The following PRH1 variants were observed in gnomAD, a reference collection of about 807,000 sequenced individuals.
PRH1 encodes the protein salivary acidic proline-rich phosphoprotein 1/2.
Under a neutral mutation model 7.9 loss-of-function variants are expected in PRH1, and 7 were observed. The ratio of observed to expected loss-of-function variants is 0.89; its 90% CI spans 0.50 to 1.67. The LOEUF (loss-of-function observed/expected upper bound fraction) is 1.67. Among genes scored for constraint, PRH1 ranks in the 40% most tolerant of loss-of-function variants. PRH1 has a pLI of 0.00. For missense variants in PRH1, 109 were observed against 223.6 expected, an observed-to-expected ratio of 0.49 and a Z score of 3.27; for synonymous variants, 45 against 80.8, an observed-to-expected ratio of 0.56 and a Z score of 2.38.
chr12:10,912,072 A>T (rs1325258929), intron 2 of PRH1, among the ~76,000 whole-genome samples: 2 of 152,192 alleles, frequency 1.3e-5, no homozygotes, highest in African/African-American at 4.8e-5. Flanking sequence ...ATTTTTGATC[A>T]ATATTATGTT....
chr12:11,133,210 T>C, intron 1 of PRH1: 1 of 1,516,812 alleles, frequency 6.6e-7, no homozygotes, highest in Non-Finnish European at 8.8e-7. Context: ...CATGTGGAAA[T>C]TATTCATATA....
chr12:11,142,464 C>T (rs1477076662), intron 1 of PRH1, among the ~76,000 whole-genome samples: 1 of 152,186 alleles, frequency 6.6e-6, no homozygotes, highest in Non-Finnish European at 1.5e-5. Context: ...CTGCCCTAAT[C>T]AGGATTCTAT....
At chr12:11,118,742 C>A (rs1019668018), downstream of PRH1, among the ~76,000 whole-genome samples, 1 of 152,042 alleles carries the variant, frequency 6.6e-6, no homozygotes, top group Non-Finnish European at 1.5e-5. Flanking sequence ...CACCGGTAAT[C>A]CCAGCACTTT....
intron 1 of PRH1, among the ~76,000 whole-genome samples, chr12:11,018,795 T>C (rs1458822815): frequency 1.3e-5 from 2 of 151,412 alleles, no homozygotes; most frequent in African/African-American, 4.8e-5. Flanking sequence ...GGGGAACCCC[T>C]GGAGGTGAGA....
At chr12:11,126,244 C>T (rs1946124416) in intron 1 of PRH1, among the ~76,000 whole-genome samples, 1 of 152,204 alleles carries the variant, frequency 6.6e-6, no homozygotes, top group South Asian at 2.1e-4. Flanking sequence ...CCCTACTGTG[C>T]CAGTTGTTAC....
At position 10,883,098 on chromosome 12, in the gene PRH1, T is replaced by C. The variant is rs1949434060; in HGVS notation, c.65-2A>G. 7 of 1,613,010 alleles carry C rather than the reference T, an allele frequency of 4.3e-6. No individual in the cohort carries two copies. In the East Asian group the frequency reaches 1.6e-4, roughly 36 times the overall value. On this transcript the variant is annotated splice_acceptor_variant, in intron 1 of 3. Coordinates refer to ENST00000543626, the MANE Select transcript of PRH1 (RefSeq NM_001393989.1). LOFTEE classifies it high-confidence loss of function. ...GGGGAACATCTTCCTGGCTGACATCTAGAAAAGAAGTACAGGATGATGGGA... is the reference window on the plus strand; with the variant it reads ...GGGGAACATCTTCCTGGCTGACATCCAGAAAAGAAGTACAGGATGATGGGA...
intron 2 of PRH1, chr12:10,938,332 C>G (rs1230021288): frequency 1.2e-6 from 2 of 1,614,010 alleles, no homozygotes; most frequent in Admixed American, 1.7e-5. Flanking sequence ...GTAGCACTGA[C>G]AGAGAGGCCT....
intron 1 of PRH1, among the ~76,000 whole-genome samples, chr12:11,027,477 C>T (rs79024190): frequency 9.4e-6 from 1 of 105,952 alleles, no homozygotes; most frequent in Admixed American, 1.0e-4. Context: ...ATCTTTTTTA[C>T]AGTATATGGC....
intron 1 of PRH1, among the ~76,000 whole-genome samples, chr12:11,102,133 T>C (rs1260034940): frequency 2.6e-5 from 4 of 151,366 alleles, no homozygotes; most frequent in African/African-American, 4.9e-5. Context: ...AATTTATAGA[T>C]TCAATGCCAT....
chr12:11,067,219 G>A (rs1046088542), intron 1 of PRH1, among the ~76,000 whole-genome samples: 1 of 152,000 alleles, frequency 6.6e-6, no homozygotes, highest in East Asian at 1.9e-4. Flanking sequence ...CTCCAATGCA[G>A]AATCAAAAAA....
At chr12:11,027,900 T>C (rs1941998999) in intron 1 of PRH1, among the ~76,000 whole-genome samples, 1 of 152,204 alleles carries the variant, frequency 6.6e-6, no homozygotes, top group Admixed American at 6.5e-5. Context: ...AATCCAAGCA[T>C]AGAGTCCCTC....
At chr12:11,067,686 A>T (rs1364951978) in intron 1 of PRH1, among the ~76,000 whole-genome samples, 1 of 152,130 alleles carries the variant, frequency 6.6e-6, no homozygotes, top group Non-Finnish European at 1.5e-5. Context: ...ACATGCCAAA[A>T]CCCTGTCTCT....
At chr12:10,949,141 G>T (rs1950531723) in intron 2 of PRH1, among the ~76,000 whole-genome samples, 1 of 152,184 alleles carries the variant, frequency 6.6e-6, no homozygotes, top group African/African-American at 2.4e-5. Flanking sequence ...TCCCAGTTTA[G>T]AGGTAGCACT....
At chr12:11,071,820 CT>C (rs1283648365) in intron 1 of PRH1, among the ~76,000 whole-genome samples, 1 of 152,148 alleles carries the variant, frequency 6.6e-6, no homozygotes, top group Non-Finnish European at 1.5e-5. Flanking sequence ...GGACAGACCC[CT>C]GCATGGTAGA....
chr12:10,909,552 C>T (rs899697146), intron 2 of PRH1: 2 of 420,188 alleles, frequency 4.8e-6, no homozygotes, highest in Non-Finnish European at 8.6e-6. Context: ...TATGTCTTCA[C>T]CATGGGCAGA....
intron 1 of PRH1, among the ~76,000 whole-genome samples, chr12:11,088,639 A>C (rs1433066277): frequency 9.1e-6 from 1 of 110,200 alleles, no homozygotes; most frequent in Non-Finnish European, 2.1e-5. Flanking sequence ...GATTTTGGAG[A>C]CAACATATTC....
chr12:10,998,125 C>T (rs1480086672), intron 1 of PRH1, among the ~76,000 whole-genome samples: 2 of 152,156 alleles, frequency 1.3e-5, no homozygotes, highest in African/African-American at 2.4e-5. Flanking sequence ...TTCATAAAGT[C>T]TCTATTCTTG....
chr12:11,052,856 T>C (rs942966257), intron 1 of PRH1, among the ~76,000 whole-genome samples: 4 of 152,206 alleles, frequency 2.6e-5, no homozygotes, highest in African/African-American at 9.6e-5. Context: ...AACATTATTT[T>C]CTATAGGAAA....
At chr12:11,150,076 T>C (rs1438290682) in intron 1 of PRH1, among the ~76,000 whole-genome samples, 12 of 149,268 alleles carry the variant, frequency 8.0e-5, no homozygotes, top group Admixed American at 3.3e-4. Context: ...AAAATGCTCA[T>C]CATCACTGGC....
Sources: allele counts gnomAD v4.1 joint callset (sites outside exome capture counted in the v4.1 genomes callset), GRCh38; gene constraint gnomAD v4.1.1; transcripts MANE v1.5; gene names NCBI Gene and HGNC (gene_info 2026-07-23, HGNC 2026-07-21).